Variants in GRXCR1 observed in about 807,000 individuals in gnomAD.
GRXCR1 encodes the protein glutaredoxin domain-containing cysteine-rich protein 1.
In GRXCR1, 27 loss-of-function variants were observed where a neutral mutation model predicts 27.3. The ratio of observed to expected loss-of-function variants is 0.99; its 90% CI spans 0.73 to 1.37. GRXCR1 has a LOEUF of 1.37. GRXCR1 is among the 40% of genes most tolerant of loss of function. The pLI is 0.00. For missense variants in GRXCR1, 379 were observed against 354.4 expected (o/e 1.07, Z -0.56); for synonymous variants, 122 against 131.1 (o/e 0.93, Z 0.47).
chr4:42,965,721 T>C (rs1748222557), intron 2 of GRXCR1, among the ~76,000 whole-genome samples: 2 of 151,962 alleles, frequency 1.3e-5, no homozygotes, highest in Admixed American at 1.3e-4. Context: ...AATTTTTTTA[T>C]AGGAAGGAGA....
At chr4:42,991,137 C>T (rs1711958583) in intron 2 of GRXCR1, among the ~76,000 whole-genome samples, 1 of 152,120 alleles carries the variant, frequency 6.6e-6, no homozygotes, top group Admixed American at 6.5e-5. Flanking sequence ...TGGCCCACTT[C>T]ACAGCTGCCA....
chr4:42,931,459 A>G (rs1747303300), intron 1 of GRXCR1, among the ~76,000 whole-genome samples: 1 of 151,894 alleles, frequency 6.6e-6, no homozygotes, highest in Non-Finnish European at 1.5e-5. Flanking sequence ...GAAGAAGTCT[A>G]TGGCTGATAA....
intron 1 of GRXCR1, among the ~76,000 whole-genome samples, chr4:42,923,904 G>A (rs1020252204): frequency 3.3e-5 from 5 of 152,150 alleles, no homozygotes; most frequent in African/African-American, 1.2e-4. Context: ...GCTGGTGAGG[G>A]AGCAAGAAGT....
chr4:43,021,941 C>G (rs1713105729), intron 3 of GRXCR1, among the ~76,000 whole-genome samples: 2 of 152,088 alleles, frequency 1.3e-5, no homozygotes, highest in Non-Finnish European at 1.5e-5. Context: ...TGACTTTGGG[C>G]ATAACCTTTC....
intron 1 of GRXCR1, among the ~76,000 whole-genome samples, chr4:42,908,842 G>A (rs1473209324): frequency 2.6e-5 from 4 of 152,166 alleles, no homozygotes; most frequent in Admixed American, 6.5e-5. Context: ...AATATTGGTT[G>A]CCAGGGATTC....
chr4:43,015,699 A>G (rs1296591912), intron 2 of GRXCR1, among the ~76,000 whole-genome samples: 1 of 151,850 alleles, frequency 6.6e-6, no homozygotes, highest in East Asian at 1.9e-4. Context: ...ACTATGTTAT[A>G]GATCTTTTAT....
intron 2 of GRXCR1, among the ~76,000 whole-genome samples, chr4:42,972,501 TG>T (rs1447538595): frequency 6.6e-6 from 1 of 152,172 alleles, no homozygotes; most frequent in Non-Finnish European, 1.5e-5. Context: ...AGCAGTTGCT[TG>T]TGTGATTGCT....
At chr4:42,929,965 A>G (rs1355505371) in intron 1 of GRXCR1, among the ~76,000 whole-genome samples, 1 of 151,964 alleles carries the variant, frequency 6.6e-6, no homozygotes, top group Non-Finnish European at 1.5e-5. Flanking sequence ...GTGCATCTCT[A>G]AGACCACACT....
intron 2 of GRXCR1, among the ~76,000 whole-genome samples, chr4:42,987,372 T>A (rs931829524): frequency 1.3e-5 from 2 of 149,906 alleles, no homozygotes; most frequent in African/African-American, 4.9e-5. Context: ...GACTTCAAAC[T>A]CCTGAGATCA....
At chr4:42,934,399 C>T (rs1747408058) in intron 1 of GRXCR1, among the ~76,000 whole-genome samples, 1 of 151,700 alleles carries the variant, frequency 6.6e-6, no homozygotes, top group Admixed American at 6.6e-5. Context: ...CTTGCCTCTG[C>T]ACCACACACA....
chr4:42,913,519 C>T (rs553182347), intron 1 of GRXCR1, among the ~76,000 whole-genome samples: 2 of 152,198 alleles, frequency 1.3e-5, no homozygotes, highest in South Asian at 2.1e-4. Context: ...GGTTATCTGG[C>T]AGAAGAAATT....
chr4:43,019,391 A>T (rs1164862328), intron 2 of GRXCR1, among the ~76,000 whole-genome samples: 1 of 152,188 alleles, frequency 6.6e-6, no homozygotes, highest in Admixed American at 6.5e-5. Flanking sequence ...CACAAGTAGG[A>T]ATAAAAAATG....
At chr4:43,028,779 C>A (rs750540877) in intron 3 of GRXCR1, among the ~76,000 whole-genome samples, 5 of 151,940 alleles carry the variant, frequency 3.3e-5, no homozygotes, top group East Asian at 1.9e-4. Flanking sequence ...TAAGTCAATT[C>A]TTGCACAAAG....
intron 1 of GRXCR1, among the ~76,000 whole-genome samples, chr4:42,936,590 TATTA>T (rs1012863161): frequency 3.3e-5 from 5 of 151,952 alleles, no homozygotes; most frequent in Non-Finnish European, 7.4e-5. Flanking sequence ...GATAAATTAT[TATTA>T]ATTAAAGTCC....
chr4:42,912,365 C>T (rs1047055946), intron 1 of GRXCR1, among the ~76,000 whole-genome samples: 1 of 152,098 alleles, frequency 6.6e-6, no homozygotes, highest in African/African-American at 2.4e-5. Context: ...ATTCATGCTT[C>T]ATTTTTTATA....
chr4:42,985,180 A>G (rs1448693559), intron 2 of GRXCR1, among the ~76,000 whole-genome samples: 1 of 152,152 alleles, frequency 6.6e-6, no homozygotes, highest in Non-Finnish European at 1.5e-5. Context: ...GTTCAAATTG[A>G]TATTTCTGTG....
chr4:42,947,208 G>A (rs1747763565), intron 1 of GRXCR1, among the ~76,000 whole-genome samples: 1 of 152,070 alleles, frequency 6.6e-6, no homozygotes, highest in African/African-American at 2.4e-5. Flanking sequence ...CATCAGAGAG[G>A]ATGAGGTGGT....
At chr4:42,916,327 AC>A (rs1746885506) in intron 1 of GRXCR1, among the ~76,000 whole-genome samples, 2 of 152,262 alleles carry the variant, frequency 1.3e-5, no homozygotes, top group South Asian at 4.1e-4. Flanking sequence ...GTTTTCAGGC[AC>A]AAAGAGGACC....
intron 1 of GRXCR1, among the ~76,000 whole-genome samples, chr4:42,924,908 C>T (rs1468877023): frequency 2.0e-5 from 3 of 151,998 alleles, no homozygotes; most frequent in African/African-American, 7.2e-5. Context: ...CTTCCCAAGA[C>T]TTTGACAGGT....
Sources: allele counts gnomAD v4.1 joint callset (sites outside exome capture counted in the v4.1 genomes callset), GRCh38; gene constraint gnomAD v4.1.1; transcripts MANE v1.5; gene names NCBI Gene and HGNC (gene_info 2026-07-23, HGNC 2026-07-21).